Variants in TCF7L1 observed in about 807,000 individuals in gnomAD.
TCF7L1 encodes the protein transcription factor 7 like 1.
In TCF7L1, 18 loss-of-function variants were observed where a neutral mutation model predicts 63.7. That is an observed-to-expected ratio of 0.28 (90% confidence interval 0.20 to 0.42). TCF7L1 has a LOEUF of 0.42. TCF7L1 is among the 10% of genes least tolerant of loss of function. The pLI is 1.00. For synonymous variants in TCF7L1, 355 were observed against 340.9 expected, an observed-to-expected ratio of 1.04 and a Z score of -0.46; for missense variants, 654 against 779.3, an observed-to-expected ratio of 0.84 and a Z score of 1.91.
chr2:85,183,959 G>A (rs1678859776), intron 3 of TCF7L1, among the ~76,000 whole-genome samples: 1 of 152,174 alleles, frequency 6.6e-6, no homozygotes, highest in Admixed American at 6.5e-5. Flanking sequence ...AAGTCAAGGG[G>A]CATTTCAGCC....
At chr2:85,188,143 A>G (rs774197531) in intron 3 of TCF7L1, among the ~76,000 whole-genome samples, 4 of 152,164 alleles carry the variant, frequency 2.6e-5, no homozygotes, top group Non-Finnish European at 5.9e-5. Flanking sequence ...GGAATAAGGG[A>G]TAGGTGTTGC....
At chr2:85,167,530 A>C (rs1678447516) in intron 3 of TCF7L1, among the ~76,000 whole-genome samples, 1 of 152,106 alleles carries the variant, frequency 6.6e-6, no homozygotes, top group African/African-American at 2.4e-5. Context: ...TGGCTAAAGG[A>C]AATGTGGGCT....
At chr2:85,222,198 G>A (rs190364190) in intron 3 of TCF7L1, among the ~76,000 whole-genome samples, 17 of 152,064 alleles carry the variant, frequency 1.1e-4, no homozygotes, top group Admixed American at 2.6e-4. Flanking sequence ...AAAATTAAGC[G>A]GGCGTGGTGG....
At chr2:85,297,060 G>GA (rs1157456226) in intron 4 of TCF7L1, among the ~76,000 whole-genome samples, 2 of 152,108 alleles carry the variant, frequency 1.3e-5, no homozygotes, top group Non-Finnish European at 2.9e-5. Flanking sequence ...ATGCAGAAGA[G>GA]AAAAAAAGGC....
chr2:85,196,014 C>G (rs1179194644), intron 3 of TCF7L1, among the ~76,000 whole-genome samples: 1 of 152,122 alleles, frequency 6.6e-6, no homozygotes, highest in East Asian at 1.9e-4. Flanking sequence ...TGGACTCAAA[C>G]CATGGAGACC....
chr2:85,270,497 A>C (rs1370432712), intron 3 of TCF7L1, among the ~76,000 whole-genome samples: 1 of 152,204 alleles, frequency 6.6e-6, no homozygotes, highest in Non-Finnish European at 1.5e-5. Context: ...GAGAATAAAT[A>C]GATTGCACCT....
At chr2:85,302,445 T>C (rs770897942) in intron 4 of TCF7L1, 39 bp from the exon 5 acceptor site, 1 of 1,613,880 alleles carries the variant, frequency 6.2e-7, no homozygotes, top group Non-Finnish European at 8.5e-7. Context: ...ACTCTCCATC[T>C]CCTTGGCAAC....
chr2:85,213,498 A>C (rs1208841182), intron 3 of TCF7L1: 1 of 152,180 alleles, frequency 6.6e-6, no homozygotes, highest in African/African-American at 2.4e-5. Flanking sequence ...ATCAGCCATA[A>C]ATACTTGAAT....
chr2:85,264,989 T>A (rs1473803341), intron 3 of TCF7L1, among the ~76,000 whole-genome samples: 3 of 152,180 alleles, frequency 2.0e-5, no homozygotes. Flanking sequence ...TACCAGAAAC[T>A]TCCACCTTGA....
chr2:85,201,921 T>TA (rs1320780985), intron 3 of TCF7L1, among the ~76,000 whole-genome samples: 3 of 151,070 alleles, frequency 2.0e-5, no homozygotes, highest in Non-Finnish European at 4.4e-5. Context: ...GAAATGTCTA[T>TA]TCAAGTCTTT....
intron 4 of TCF7L1, among the ~76,000 whole-genome samples, chr2:85,290,234 G>A (rs1681674877): frequency 6.6e-6 from 1 of 152,150 alleles, no homozygotes; most frequent in Non-Finnish European, 1.5e-5. Flanking sequence ...GCCCGCCTTG[G>A]CCTCCCAAAG....
At chr2:85,279,850 T>A (rs570301232) in intron 3 of TCF7L1, among the ~76,000 whole-genome samples, 2 of 152,244 alleles carry the variant, frequency 1.3e-5, no homozygotes, top group South Asian at 4.2e-4. Flanking sequence ...TCCCTTCTGG[T>A]CTTTTCCCTC....
rs562116662 is a variant in TCF7L1, at chr2:85,241,382, A to G, written c.442-42113A>G. Among the ~76,000 whole-genome samples the G allele has an allele frequency of 2.7e-5, 4 of 148,226 alleles. No homozygotes were observed. In the East Asian group the frequency reaches 8.0e-4, roughly 30 times the overall value. On this transcript the variant is annotated intron_variant, in intron 3 of 11. Transcript: ENST00000282111. ...TAGAGGATGGGAGCAGGGGAACAGC[A>G]GGGAAGAGCCTCTTTGCACTCTTTG...
chr2:85,280,814 G>A (rs1029432903), intron 3 of TCF7L1, among the ~76,000 whole-genome samples: 6 of 152,118 alleles, frequency 3.9e-5, no homozygotes, highest in East Asian at 1.9e-4. Flanking sequence ...GGCCAGCCCC[G>A]TGCAAGACAG....
intron 3 of TCF7L1, among the ~76,000 whole-genome samples, chr2:85,189,812 G>A (rs1679006019): frequency 6.6e-6 from 1 of 152,198 alleles, no homozygotes; most frequent in Admixed American, 6.5e-5. Flanking sequence ...AGCTGAGAGG[G>A]GCGCTGCGAG....
At chr2:85,171,954 C>T (rs544882407) in intron 3 of TCF7L1, among the ~76,000 whole-genome samples, 4 of 152,186 alleles carry the variant, frequency 2.6e-5, no homozygotes, top group African/African-American at 7.2e-5. Context: ...AAACACATCC[C>T]GGGTTACTGC....
chr2:85,215,866 C>T (rs1237811139), intron 3 of TCF7L1, among the ~76,000 whole-genome samples: 1 of 151,992 alleles, frequency 6.6e-6, no homozygotes. Flanking sequence ...GTATACATTT[C>T]TCTGTATTGT....
intron 3 of TCF7L1, among the ~76,000 whole-genome samples, chr2:85,259,231 T>G (rs11681706): frequency 0.75 from 113,729 of 152,170 alleles, 43,562 homozygotes; most frequent in African/African-American, 0.84. Context: ...GGCCTGTGTT[T>G]GTTTTCTAAA....
intron 3 of TCF7L1, among the ~76,000 whole-genome samples, chr2:85,206,436 T>C (rs1679411586): frequency 6.6e-6 from 1 of 152,240 alleles, no homozygotes; most frequent in Non-Finnish European, 1.5e-5. Flanking sequence ...ATGGTTCTTC[T>C]TGAATACAAA....
Sources: gnomAD v4.1 joint callset for allele counts (sites outside exome capture counted in the v4.1 genomes callset) on GRCh38, gnomAD v4.1.1 for gene constraint, MANE v1.5 for transcripts, NCBI Gene and HGNC (gene_info 2026-07-23, HGNC 2026-07-21) for gene names.